The following ZIC1 variants were observed in gnomAD, a reference collection of about 807,000 sequenced individuals.
ZIC1 encodes the protein Zic family zinc finger 1.
A neutral mutation model predicts 30.9 loss-of-function variants in ZIC1; 4 were observed. That is an observed-to-expected ratio of 0.13 (90% confidence interval 0.06 to 0.30). The LOEUF is 0.30. Ranked by LOEUF, ZIC1 falls within the 10% of genes least tolerant of loss-of-function variation. ZIC1 has a pLI of 1.00. For synonymous variants in ZIC1, 305 were observed against 277.5 expected (o/e 1.10, Z -0.98); for missense variants, 441 against 639.3 (o/e 0.69, Z 3.34).
rs1399353901 is a variant in ZIC1 at position 147,415,542 on chromosome 3, C to T, written c.*1991C>T. On this transcript the variant is annotated 3_prime_UTR_variant, in exon 3 of 3. Transcript: ENST00000282928. ...CGCCCCATTAGGCAGACAACGTAGC[C>T]GGAGATCACAAATCAGGCCCTTGGC... 1.3e-5 allele frequency: 2 copies of T among 152,588 alleles called. No homozygotes were observed. The highest frequency in any genetic ancestry group is 2.1e-4 in the South Asian group (1 of 4,816). 9.5% of individuals were successfully genotyped at this position (152,588 alleles called of 1,614,324 possible). A position where few individuals can be genotyped will look rare whatever the true frequency, so the allele number is the denominator to read the frequency against.
In ZIC1 at chr3:147,415,885, C is replaced by A. The variant is rs544687004; in HGVS notation, c.*2334C>A. ...CTATTTATATTTGTCACTGTTTCAA[C>A]AAAGTCTTATTTGCTGAGGAAGGAC... On this transcript the variant is annotated 3_prime_UTR_variant, in exon 3 of 3. Coordinates refer to ENST00000282928, the MANE Select transcript of ZIC1 (RefSeq NM_003412.4). 6.6e-6 allele frequency: 1 copy of A among 152,224 alleles called. No individual in the cohort carries two copies. The highest frequency in any genetic ancestry group is 1.9e-4 in the East Asian group (1 of 5,190). 9.4% of individuals were successfully genotyped at this position (152,224 alleles called of 1,614,324 possible).
At position 147,416,102 on chromosome 3, in the gene ZIC1, C is replaced by A. The variant is rs1420188301; in HGVS notation, c.*2551C>A. ...CTGCTAGCTCCAAAAATTTGCGAAGCAAAAGCTAGCCCCAATTGGTTTGGA... is the reference window on the plus strand; with the variant it reads ...CTGCTAGCTCCAAAAATTTGCGAAGAAAAAGCTAGCCCCAATTGGTTTGGA... On this transcript the variant is annotated 3_prime_UTR_variant, in exon 3 of 3. Coordinates refer to ENST00000282928, the MANE Select transcript of ZIC1 (RefSeq NM_003412.4). 2.0e-5 allele frequency: 3 copies of A among 152,192 alleles called. No individual in the cohort carries two copies. Among genetic ancestry groups the A allele is most frequent in the Non-Finnish European group, 4.4e-5 (3 of 68,036 alleles). 9.4% of individuals were successfully genotyped at this position (152,192 alleles called of 1,614,324 possible). A position where few individuals can be genotyped will look rare whatever the true frequency, so the allele number is the denominator to read the frequency against.
intron 1 of ZIC1, 109 bp from the exon 2 acceptor site, chr3:147,412,408 TC>T: frequency 7.4e-7 from 1 of 1,347,254 alleles, no homozygotes; most frequent in East Asian, 2.5e-5. Context: ...AAAGTGCTAA[TC>T]CTGGGCTGCT....
Position 147,416,234 on chromosome 3 carries a change from A to G in ZIC1, c.*2683A>G, listed in dbSNP as rs1302480236. The stretch of plus-strand genomic sequence containing the variant: ...ATAAAGACATCTCTTCTCTCTAGAA[A>G]AGATAACACCACAATTAATAATCCT... On this transcript the variant is annotated 3_prime_UTR_variant, in exon 3 of 3. Transcript: ENST00000282928. The G allele has an allele frequency of 1.3e-5, 2 of 152,268 alleles. No homozygotes were observed. The highest frequency in any genetic ancestry group is 2.9e-5 in the Non-Finnish European group (2 of 68,050). The allele number at this position is 152,268 out of a possible 1,614,324, so 9.4% of individuals were successfully genotyped here. A position where few individuals can be genotyped will look rare whatever the true frequency, so the allele number is the denominator to read the frequency against.
chr3:147,415,727 A>T lies in ZIC1; in HGVS notation c.*2176A>T, dbSNP rs1193669449. On this transcript the variant is annotated 3_prime_UTR_variant, in exon 3 of 3. Transcript: ENST00000282928. ...GAAAACAAGAGGAAAAACCCCACAA[A>T]GTATAACAACCCCTTAAGATACATC... is the stretch of plus-strand genomic sequence containing the variant. 2.6e-5 allele frequency: 4 copies of T among 152,248 alleles called. No individual in the cohort carries two copies. In the East Asian group the frequency reaches 7.7e-4, roughly 29 times the overall value. 9.4% of individuals were successfully genotyped at this position (152,248 alleles called of 1,614,324 possible).
chr3:147,412,992 C>T (rs2107994455), intron 2 of ZIC1, among the ~76,000 whole-genome samples: 1 of 152,342 alleles, frequency 6.6e-6, no homozygotes, highest in South Asian at 2.1e-4. Context: ...AAACTGCTGC[C>T]CTTGCAGCTG....
At chr3:147,412,768 G>A (rs1207152624) in intron 2 of ZIC1, 87 bp downstream of exon 2, 4 of 1,511,914 alleles carry the variant, frequency 2.6e-6, no homozygotes, top group East Asian at 2.3e-5. Context: ...GCAGACAGGC[G>A]GTGGCGGGAG....
In ZIC1 at chr3:147,411,087, G is replaced by C. The variant is rs774957041; in HGVS notation, c.975G>C (p.Thr325=). The change falls in exon 1 of 3, where the codon ACG becomes ACC. Residue 325 remains threonine (T), a synonymous_variant. Transcript: ENST00000282928. ...AGAATTTAAAGATCCACAAAAGGAC[G>C]CACACAGGTACGGAAACAGCTGTAG... ...RSENLKIHKR[T]HTGEKPFKCE... is the part of the protein sequence containing the mutation. 8.7e-6 allele frequency: 14 copies of C among 1,612,122 alleles called. No homozygotes were observed. In the African/African-American group the frequency reaches 1.1e-4, roughly 12 times the overall value.
In ZIC1 at chr3:147,415,097, T is replaced by A. The variant is rs2087422525; in HGVS notation, c.*1546T>A. The A allele has an allele frequency of 6.6e-6, 1 of 152,658 alleles. No individual in the cohort carries two copies. The allele number at this position is 152,658 out of a possible 1,614,324, so 9.5% of individuals were successfully genotyped here. A position where few individuals can be genotyped will look rare whatever the true frequency, so the allele number is the denominator to read the frequency against. ...TTCCTTCTTTGTACAAAAGTAAATG[T>A]CCATAAAGCGTTTCACTTATATTCT... On this transcript the variant is annotated 3_prime_UTR_variant, in exon 3 of 3. Transcript: ENST00000282928.
rs1451455387 is a variant in ZIC1 at position 147,410,602 on chromosome 3, A to C, written c.490A>C (p.Arg164=). The change falls in exon 1 of 3, where the codon AGG becomes CGG. Residue 164 remains arginine (R), a synonymous_variant. Coordinates refer to ENST00000282928, the MANE Select transcript of ZIC1 (RefSeq NM_003412.4). ...ASPNVVNGQM[R]LGFSGDMYPR... is the part of the protein sequence containing the mutation. The stretch of plus-strand genomic sequence containing the variant: ...GCCTAACGTGGTCAACGGGCAGATG[A>C]GGCTCGGCTTCTCGGGGGACATGTA... 6.2e-7 allele frequency: 1 copy of C among 1,613,208 alleles called. No individual in the cohort carries two copies. Among genetic ancestry groups the C allele is most frequent in the Admixed American group, 1.7e-5 (1 of 59,994 alleles).
chr3:147,412,452 A>T, intron 1 of ZIC1, 66 bp from the exon 2 acceptor site: 3 of 1,577,446 alleles, frequency 1.9e-6, no homozygotes, highest in Non-Finnish European at 2.6e-6. Flanking sequence ...CTATTTGTTT[A>T]GTTTTTGAAA....
In ZIC1 at chr3:147,410,657, C is replaced by G. The variant is rs1576469669; in HGVS notation, c.545C>G (p.Thr182Ser). The G allele has an allele frequency of 6.2e-7, 1 of 1,613,742 alleles. No homozygotes were observed. Among genetic ancestry groups the G allele is most frequent in the South Asian group, 1.1e-5 (1 of 91,076 alleles). ...YPRPEQYGQV[T>S]SPRSEHYAAP... ...CGACCGGAGCAGTACGGCCAGGTGA[C>G]CAGCCCGCGTTCGGAGCACTATGCT... The change falls in exon 1 of 3, where the codon ACC becomes AGC. Residue 182 changes from threonine (T) to serine (S), a missense_variant. Physicochemically the swap from Thr to Ser is moderately conservative, Grantham distance 58 (BLOSUM62 1). Around this residue, in one of 5 missense-constraint regions of ZIC1, gnomAD observed 307 missense variants for 355.3 expected, o/e 0.86. Transcript: ENST00000282928.
chr3:147,409,924 A>C lies in ZIC1; in HGVS notation c.-189A>C. 3.3e-6 allele frequency: 2 copies of C among 599,344 alleles called. No homozygotes were observed. The highest frequency in any genetic ancestry group is 5.4e-6 in the Non-Finnish European group (2 of 373,364). 37.1% of individuals were successfully genotyped at this position (599,344 alleles called of 1,614,324 possible). On this transcript the variant is annotated 5_prime_UTR_variant, in exon 1 of 3. Coordinates refer to ENST00000282928, the MANE Select transcript of ZIC1 (RefSeq NM_003412.4). ...CGGCTACTTTGCGTTTGGCCCGGCC[A>C]GCGCCCGGGCGCGCCGCGCCATTGC...
In ZIC1 at chr3:147,415,022, T is replaced by C. The variant is rs1280883711; in HGVS notation, c.*1471T>C. 1 of 152,672 alleles carries C rather than the reference T, an allele frequency of 6.5e-6. No individual in the cohort carries two copies. The highest frequency in any genetic ancestry group is 6.5e-5 in the Admixed American group (1 of 15,286). The allele number at this position is 152,672 out of a possible 1,614,324, so 9.5% of individuals were successfully genotyped here. A position where few individuals can be genotyped will look rare whatever the true frequency, so the allele number is the denominator to read the frequency against. On this transcript the variant is annotated 3_prime_UTR_variant, in exon 3 of 3. Transcript: ENST00000282928. ...TAAATTGCTGTCTTCAATTAAACCA[T>C]TTATGACCATAACTAATTTTCAGGA...
At chr3:147,412,775 G>A in intron 2 of ZIC1, 94 bp downstream of exon 2, 2 of 1,476,844 alleles carry the variant, frequency 1.4e-6, no homozygotes, top group East Asian at 2.3e-5. Flanking sequence ...GGCGGTGGCG[G>A]GAGCCAGAGG....
Position 147,410,665 on chromosome 3 carries a change from C to T in ZIC1, c.553C>T (p.Arg185Cys), listed in dbSNP as rs368506577. ...GCAGTACGGCCAGGTGACCAGCCCG[C>T]GTTCGGAGCACTATGCTGCGCCGCA... is the stretch of plus-strand genomic sequence containing the variant. ...PEQYGQVTSP[R>C]SEHYAAPQLH... Residue 185 changes from arginine to cysteine, a missense_variant, in exon 1 of 3, where the codon CGT becomes TGT. Around this residue, in one of 5 missense-constraint regions of ZIC1, gnomAD observed 307 missense variants for 355.3 expected, o/e 0.86. Coordinates refer to ENST00000282928, the MANE Select transcript of ZIC1 (RefSeq NM_003412.4). 1.2e-6 allele frequency: 2 copies of T among 1,613,852 alleles called. No individual in the cohort carries two copies. The highest frequency in any genetic ancestry group is 1.7e-6 in the Non-Finnish European group (2 of 1,179,948).
intron 1 of ZIC1, among the ~76,000 whole-genome samples, 160 bp from the exon 2 acceptor site, chr3:147,412,358 G>A (rs1055149351): frequency 6.6e-6 from 1 of 152,218 alleles, no homozygotes; most frequent in Non-Finnish European, 1.5e-5. Context: ...TTCCACTGCA[G>A]ATGTAAGAAT....
In ZIC1 at chr3:147,415,480, C is replaced by T. The variant is rs1043648250; in HGVS notation, c.*1929C>T. The T allele has an allele frequency of 2.6e-5, 4 of 152,640 alleles. No homozygotes were observed. Among genetic ancestry groups the T allele is most frequent in the Admixed American group, 6.5e-5 (1 of 15,284 alleles). 9.5% of individuals were successfully genotyped at this position (152,640 alleles called of 1,614,324 possible). On this transcript the variant is annotated 3_prime_UTR_variant, in exon 3 of 3. Transcript: ENST00000282928. ...ATGAAGTTAGCTGCGCTGGTAGGAACGCAGGCTTCTTTGTCTCTGGTTGTA... is the reference window on the plus strand; with the variant it reads ...ATGAAGTTAGCTGCGCTGGTAGGAATGCAGGCTTCTTTGTCTCTGGTTGTA...
In ZIC1 at chr3:147,410,898, T is replaced by C. The variant is rs767132058; in HGVS notation, c.786T>C (p.Gly262=). ...CGCACGTCACCGTGGAGCACGTAGG[T>C]GGCCCGGAGCAGAGTAATCACATCT... is the stretch of plus-strand genomic sequence containing the variant. ...LVTHVTVEHV[G]GPEQSNHICF... Residue 262 remains glycine (G), a synonymous_variant, in exon 1 of 3, where the codon GGT becomes GGC. Coordinates refer to ENST00000282928, the MANE Select transcript of ZIC1 (RefSeq NM_003412.4). 6.2e-7 allele frequency: 1 copy of C among 1,614,238 alleles called. No homozygotes were observed. Among genetic ancestry groups the C allele is most frequent in the African/African-American group, 1.3e-5 (1 of 75,062 alleles).
Sources: allele counts gnomAD v4.1 joint callset (sites outside exome capture counted in the v4.1 genomes callset), GRCh38; gene constraint gnomAD v4.1.1; regional missense constraint gnomAD v4.1.1; transcripts MANE v1.5; gene names NCBI Gene and HGNC (gene_info 2026-07-23, HGNC 2026-07-21).